RIC1: variants seen among roughly 807,000 people sequenced by gnomAD.
RIC1 encodes guanine nucleotide exchange factor subunit RIC1.
In RIC1, 88 loss-of-function variants were observed where a neutral mutation model predicts 169.0. The observed-to-expected ratio is 0.52, with a 90% CI of 0.44 to 0.62. The LOEUF (loss-of-function observed/expected upper bound fraction) is 0.62. Ranked by LOEUF, RIC1 falls within the 20% of genes least tolerant of loss-of-function variation. The probability of loss-of-function intolerance (pLI) is 0.00; values close to 1 mark genes in which losing one functional copy is unlikely to be tolerated. For missense variants in RIC1, 1,877 were observed against 1,725.5 expected (o/e 1.09, Z -1.56); for synonymous variants, 790 against 601.5 (o/e 1.31, Z -4.59).
At chr9:5,702,961 C>T (rs928049576) in intron 3 of RIC1, among the ~76,000 whole-genome samples, 6 of 152,158 alleles carry the variant, frequency 3.9e-5, no homozygotes, top group Admixed American at 2.0e-4. Flanking sequence ...CCACCTCCAA[C>T]GTTGGGGATT....
intron 1 of RIC1, among the ~76,000 whole-genome samples, chr9:5,645,886 G>C (rs577446445): frequency 6.6e-6 from 1 of 151,160 alleles, no homozygotes; most frequent in South Asian, 2.1e-4. Context: ...CCAGATCCCT[G>C]CTTTACTTCT....
intron 2 of RIC1, among the ~76,000 whole-genome samples, chr9:5,663,462 C>A (rs970188850): frequency 3.9e-5 from 6 of 152,018 alleles, no homozygotes; most frequent in Admixed American, 1.3e-4. Flanking sequence ...GAGTCTAAGT[C>A]TTTTTGAAGG....
chr9:5,746,126 T>G, intron 11 of RIC1, 43 bp downstream of exon 11: 1 of 1,536,580 alleles, frequency 6.5e-7, no homozygotes, highest in Non-Finnish European at 8.9e-7. Context: ...TCTTTTGTGT[T>G]AGAAGCTCAG....
chr9:5,747,913 G>T (rs1825481055), intron 12 of RIC1, among the ~76,000 whole-genome samples: 1 of 152,190 alleles, frequency 6.6e-6, no homozygotes, highest in Admixed American at 6.6e-5. Context: ...GTCTTAAGGG[G>T]CCACGTTGAG....
intron 4 of RIC1, among the ~76,000 whole-genome samples, chr9:5,718,369 G>C (rs999569203): frequency 1.3e-5 from 2 of 152,050 alleles, no homozygotes; most frequent in African/African-American, 4.8e-5. Flanking sequence ...AAGTCTTTGT[G>C]TAAGAAAGAT....
At chr9:5,687,067 T>C (rs1373710148) in intron 2 of RIC1, among the ~76,000 whole-genome samples, 1 of 152,190 alleles carries the variant, frequency 6.6e-6, no homozygotes, top group African/African-American at 2.4e-5. Flanking sequence ...TCAGTGAACT[T>C]TGGTGGTTTG....
intron 4 of RIC1, among the ~76,000 whole-genome samples, chr9:5,715,410 C>T (rs146424932): frequency 6.6e-6 from 1 of 152,286 alleles, no homozygotes; most frequent in Non-Finnish European, 1.5e-5. Flanking sequence ...AGGTTTTAAT[C>T]TATGAATTTA....
chr9:5,661,932 G>C (rs879533768), intron 2 of RIC1, among the ~76,000 whole-genome samples: 4 of 152,114 alleles, frequency 2.6e-5, no homozygotes, highest in Admixed American at 1.3e-4. Flanking sequence ...AATGCTTCCA[G>C]CTTTTGTCCA....
chr9:5,773,748 A>G (rs933361116), intron 25 of RIC1, among the ~76,000 whole-genome samples: 7 of 152,130 alleles, frequency 4.6e-5, no homozygotes, highest in Non-Finnish European at 8.8e-5. Context: ...ATGCTTAGAA[A>G]CTTAAGCCTC....
intron 2 of RIC1, among the ~76,000 whole-genome samples, chr9:5,684,186 G>T (rs910591000): frequency 6.9e-6 from 1 of 143,988 alleles, no homozygotes; most frequent in Admixed American, 7.4e-5. Context: ...CGGCATCTCA[G>T]TTGTAAATGC....
intron 3 of RIC1, among the ~76,000 whole-genome samples, chr9:5,702,998 G>A (rs1382872725): frequency 6.6e-6 from 1 of 152,222 alleles, no homozygotes; most frequent in Admixed American, 6.5e-5. Context: ...TTTGTGTAGG[G>A]ACAGAGACCC....
intron 19 of RIC1, chr9:5,765,194 A>C: frequency 2.1e-6 from 1 of 484,712 alleles, no homozygotes. Context: ...TATGTATGCT[A>C]TCTGGCATGT....
At chr9:5,772,820 A>G (rs2131155229) in intron 24 of RIC1, 72 bp from the exon 25 acceptor site, 9 of 1,550,794 alleles carry the variant, frequency 5.8e-6, no homozygotes, top group Non-Finnish European at 7.9e-6. Flanking sequence ...TACTCTCCTA[A>G]TAATCATTGC....
downstream of RIC1, among the ~76,000 whole-genome samples, chr9:5,777,356 A>T (rs964522144): frequency 1.3e-5 from 2 of 151,106 alleles, no homozygotes; most frequent in African/African-American, 4.9e-5. Flanking sequence ...GGAGGATCTA[A>T]TTCCACACAA....
rs1431572942 is a variant in RIC1 at position 5,765,586 on chromosome 9, G to A, written c.3000+14G>A. 1 of 1,613,998 alleles carries A rather than the reference G, an allele frequency of 6.2e-7. No homozygotes were observed. Among genetic ancestry groups the A allele is most frequent in the East Asian group, 2.2e-5 (1 of 44,884 alleles). On this transcript the variant is annotated intron_variant, in intron 20 of 25. Transcript: ENST00000414202. ...CCCACAGCTCAGGTTAGTTGCAAAA[G>A]TTACACATCTTCTCTAGGCCATACA...
intron 2 of RIC1, among the ~76,000 whole-genome samples, chr9:5,686,658 G>A (rs1271420476): frequency 2.7e-5 from 4 of 150,916 alleles, no homozygotes; most frequent in African/African-American, 9.8e-5. Flanking sequence ...GGATAGCACT[G>A]GGAGATATAC....
chr9:5,648,159 T>G (rs1211545756), intron 1 of RIC1, among the ~76,000 whole-genome samples: 1 of 152,112 alleles, frequency 6.6e-6, no homozygotes, highest in East Asian at 1.9e-4. Context: ...ATTTCTTGTA[T>G]TTTTAGTAGA....
At chr9:5,675,588 A>G (rs1277386116) in intron 2 of RIC1, among the ~76,000 whole-genome samples, 1 of 152,198 alleles carries the variant, frequency 6.6e-6, no homozygotes, top group Non-Finnish European at 1.5e-5. Context: ...TTGTCTTAAT[A>G]TTTAGCGTAA....
At position 5,754,871 on chromosome 9, in the gene RIC1, G is replaced by A. The variant is rs1447070325; in HGVS notation, c.1633G>A (p.Ala545Thr). Residue 545 changes from alanine (A) to threonine (T), a missense_variant, in exon 15 of 26, where the codon GCC becomes ACC. Physicochemically the swap from Ala to Thr is moderately conservative, Grantham distance 58. Coordinates refer to ENST00000414202, the MANE Select transcript of RIC1 (RefSeq NM_020829.4). ...AAATATGATCGTGACAGGTGGCTTA[G>A]CCTGGTGGAATGATTTTATGGTCCT... ...EQNMIVTGGLAWWNDFMVLAC... is the reference protein window; with the variant it reads ...EQNMIVTGGLTWWNDFMVLAC... The A allele has an allele frequency of 6.3e-7, 1 of 1,575,040 alleles. No individual in the cohort carries two copies. Among genetic ancestry groups the A allele is most frequent in the East Asian group, 2.2e-5 (1 of 44,450 alleles).
Sources: allele counts gnomAD v4.1 joint callset (sites outside exome capture counted in the v4.1 genomes callset), GRCh38; gene constraint gnomAD v4.1.1; transcripts MANE v1.5; gene names NCBI Gene and HGNC (gene_info 2026-07-23, HGNC 2026-07-21).